Variants in FHIT observed in about 807,000 individuals in gnomAD.
FHIT encodes the protein fragile histidine triad diadenosine triphosphatase.
FHIT carries 19 observed loss-of-function variants against 17.9 expected under a neutral mutation model. That is an observed-to-expected ratio of 1.06 (90% CI 0.74 to 1.56). The LOEUF (loss-of-function observed/expected upper bound fraction) is 1.56. Ranked by LOEUF, FHIT falls within the 40% of genes most tolerant of loss-of-function variation. The pLI is 0.00. For synonymous variants in FHIT, 81 were observed against 69.7 expected (o/e 1.16, Z -0.81); for missense variants, 248 against 189.2 (o/e 1.31, Z -1.82).
chr3:60,289,981 A>G (rs1310604086), intron 5 of FHIT, among the ~76,000 whole-genome samples: 1 of 152,206 alleles, frequency 6.6e-6, no homozygotes, highest in Non-Finnish European at 1.5e-5. Flanking sequence ...TCTATAGTTC[A>G]TGTGTAATCA....
intron 5 of FHIT, among the ~76,000 whole-genome samples, chr3:60,441,861 T>G (rs1201226196): frequency 7.0e-6 from 1 of 142,908 alleles, no homozygotes; most frequent in Non-Finnish European, 1.5e-5. Context: ...TTGTGTTTTT[T>G]TTTTTTTAAT....
chr3:60,255,518 A>G (rs1223800251), intron 5 of FHIT, among the ~76,000 whole-genome samples: 1 of 152,058 alleles, frequency 6.6e-6, no homozygotes, highest in Non-Finnish European at 1.5e-5. Context: ...GACAAACCCA[A>G]CTTCTCACCA....
At chr3:59,823,288 C>A (rs1474139474) in intron 8 of FHIT, among the ~76,000 whole-genome samples, 1 of 151,900 alleles carries the variant, frequency 6.6e-6, no homozygotes, top group African/African-American at 2.4e-5. Flanking sequence ...CTTTTTGGTT[C>A]CATATGAATT....
intron 5 of FHIT, among the ~76,000 whole-genome samples, chr3:60,532,962 TAAGAAG>T (rs3060319): frequency 6.6e-6 from 1 of 151,768 alleles, no homozygotes; most frequent in Non-Finnish European, 1.5e-5. Context: ...ATGCCATTTT[TAAGAAG>T]AAGTCATCAA....
chr3:60,181,241 G>T (rs13077273), intron 5 of FHIT, among the ~76,000 whole-genome samples: 3,361 of 150,910 alleles, frequency 0.022, 127 homozygotes, highest in South Asian at 0.12. Flanking sequence ...TGCCTCCTGG[G>T]TTCAAGCGAT....
At chr3:60,668,832 T>C (rs556840187) in intron 4 of FHIT, among the ~76,000 whole-genome samples, 25 of 152,252 alleles carry the variant, frequency 1.6e-4, no homozygotes, top group East Asian at 5.8e-4. Flanking sequence ...CCCAAAGTGC[T>C]GGGCTTACAG....
chr3:60,952,782 A>C (rs1322168458), intron 3 of FHIT, among the ~76,000 whole-genome samples: 1 of 152,212 alleles, frequency 6.6e-6, no homozygotes, highest in Non-Finnish European at 1.5e-5. Flanking sequence ...AAGTCTGTAC[A>C]AACAGATCTT....
intron 4 of FHIT, among the ~76,000 whole-genome samples, chr3:60,710,431 G>T (rs1353625960): frequency 4.6e-5 from 7 of 152,266 alleles, no homozygotes; most frequent in Admixed American, 3.3e-4. Context: ...CAGGAGAGTG[G>T]GTGCAGTGCA....
chr3:59,889,427 T>C (rs982448989), intron 8 of FHIT, among the ~76,000 whole-genome samples: 89 of 152,324 alleles, frequency 5.8e-4, no homozygotes, highest in African/African-American at 2.0e-3. Flanking sequence ...CCACAGGCCA[T>C]TAGGAAAACT....
intron 8 of FHIT, among the ~76,000 whole-genome samples, chr3:59,796,381 G>T (rs1699779367): frequency 6.6e-6 from 1 of 152,042 alleles, no homozygotes; most frequent in South Asian, 2.1e-4. Context: ...CCTTACACCA[G>T]CTCCTCCTTT....
chr3:61,159,245 G>C (rs2037619824), intron 2 of FHIT, among the ~76,000 whole-genome samples: 1 of 152,180 alleles, frequency 6.6e-6, no homozygotes, highest in Non-Finnish European at 1.5e-5. Context: ...TCCAATGAGA[G>C]AGAACATTCA....
chr3:59,927,058 G>A (rs560036596), intron 7 of FHIT, among the ~76,000 whole-genome samples: 4 of 151,928 alleles, frequency 2.6e-5, no homozygotes, highest in African/African-American at 9.7e-5. Context: ...TCACCAAAAA[G>A]TATAAAAAAC....
intron 3 of FHIT, among the ~76,000 whole-genome samples, chr3:60,882,963 C>T (rs1048482609): frequency 1.3e-5 from 2 of 151,956 alleles, no homozygotes; most frequent in South Asian, 2.1e-4. Context: ...AATACAGAAA[C>T]CCATATAAGC....
chr3:59,887,245 G>C (rs1342355406), intron 8 of FHIT, among the ~76,000 whole-genome samples: 1 of 152,144 alleles, frequency 6.6e-6, no homozygotes, highest in Non-Finnish European at 1.5e-5. Flanking sequence ...ACGAACCAGA[G>C]CAAGAACAGT....
intron 3 of FHIT, among the ~76,000 whole-genome samples, chr3:60,951,770 C>T (rs1553777274): frequency 6.6e-6 from 1 of 152,178 alleles, no homozygotes; most frequent in African/African-American, 2.4e-5. Flanking sequence ...GGTCAAAAAA[C>T]ATCAGAGACA....
chr3:60,446,671 G>A (rs2031353498), intron 5 of FHIT, among the ~76,000 whole-genome samples: 1 of 151,944 alleles, frequency 6.6e-6, no homozygotes, highest in South Asian at 2.1e-4. Flanking sequence ...GGTCAACATA[G>A]CAAGACCCTG....
intron 2 of FHIT, among the ~76,000 whole-genome samples, chr3:61,137,196 G>T (rs2106980686): frequency 6.7e-6 from 1 of 149,666 alleles, no homozygotes; most frequent in East Asian, 2.0e-4. Context: ...TCATATCCCT[G>T]CTCCTTCCTT....
At chr3:59,854,093 G>A (rs1702052944) in intron 8 of FHIT, among the ~76,000 whole-genome samples, 1 of 152,174 alleles carries the variant, frequency 6.6e-6, no homozygotes, top group African/African-American at 2.4e-5. Flanking sequence ...TCGAGTACAT[G>A]AAAATTGTGA....
intron 2 of FHIT, among the ~76,000 whole-genome samples, chr3:61,054,955 C>G (rs893525293): frequency 2.6e-5 from 4 of 152,162 alleles, no homozygotes; most frequent in African/African-American, 7.2e-5. Context: ...GCCCACTCAT[C>G]CTTGGGGTTT....
Sources: gnomAD v4.1 joint callset for allele counts (sites outside exome capture counted in the v4.1 genomes callset) on GRCh38, gnomAD v4.1.1 for gene constraint, MANE v1.5 for transcripts, NCBI Gene and HGNC (gene_info 2026-07-23, HGNC 2026-07-21) for gene names.